The following MYLIP variants were observed in gnomAD, a reference collection of about 807,000 sequenced individuals.
The protein encoded by MYLIP is myosin regulatory light chain interacting protein.
MYLIP carries 26 observed loss-of-function variants against 45.8 expected under a neutral mutation model. The ratio of observed to expected loss-of-function variants is 0.57; its 90% CI spans 0.42 to 0.79. The LOEUF is 0.79. MYLIP is among the 30% of genes least tolerant of loss of function. The pLI is 0.00. For missense variants in MYLIP, 494 were observed against 555.6 expected, an observed-to-expected ratio of 0.89 and a Z score of 1.11; for synonymous variants, 213 against 218.1, an observed-to-expected ratio of 0.98 and a Z score of 0.21.
the MYLIP span, among the ~76,000 whole-genome samples, chr6:16,158,484 G>A: frequency 1.3e-5 from 2 of 152,058 alleles, no homozygotes; most frequent in African/African-American, 4.8e-5. Context: ...GATACCAACA[G>A]GATTGATATA....
At chr6:16,145,341 T>A in intron 6 of MYLIP, 24 bp downstream of exon 6, 2 of 1,553,204 alleles carry the variant, frequency 1.3e-6, no homozygotes, top group Non-Finnish European at 1.7e-6. Context: ...CTGCCCACTT[T>A]TGCCTGCAGC....
downstream of MYLIP, among the ~76,000 whole-genome samples, chr6:16,149,458 A>G (rs887180416): frequency 8.5e-5 from 13 of 152,242 alleles, no homozygotes; most frequent in African/African-American, 2.7e-4. Context: ...CAGATCCTTG[A>G]CATTCTAGTT....
rs1164518688 is a variant in MYLIP at position 16,146,902 on chromosome 6, A to C, written c.*151A>C. 12 of 643,650 alleles carry C rather than the reference A, an allele frequency of 1.9e-5. No homozygotes were observed. The highest frequency in any genetic ancestry group is 2.9e-5 in the Non-Finnish European group (11 of 384,856). The allele number at this position is 643,650 out of a possible 1,614,324, so 39.9% of individuals were successfully genotyped here. On this transcript the variant is annotated 3_prime_UTR_variant, in exon 7 of 7. Coordinates refer to ENST00000356840, the MANE Select transcript of MYLIP (RefSeq NM_013262.4). ...AAAAAGGAAGAAAAATAACACAGCTACTCCTCACTGCAAAAACATATCCAT... is the reference window on the plus strand; with the variant it reads ...AAAAAGGAAGAAAAATAACACAGCTCCTCCTCACTGCAAAAACATATCCAT...
At chr6:16,151,072 T>G (rs1261888872), downstream of MYLIP, among the ~76,000 whole-genome samples, 1 of 151,734 alleles carries the variant, frequency 6.6e-6, no homozygotes, top group Non-Finnish European at 1.5e-5. Context: ...TTAGAAAAAG[T>G]GCAGCGGTGG....
intron 6 of MYLIP, 120 bp from the exon 7 acceptor site, chr6:16,146,542 C>G: frequency 1.4e-6 from 1 of 733,686 alleles, no homozygotes; most frequent in South Asian, 1.8e-5. Context: ...AGCTAGAAAT[C>G]ACTGTGATCA....
chr6:16,148,282 T>A (rs1425701438), downstream of MYLIP: 3 of 152,480 alleles, frequency 2.0e-5, no homozygotes, highest in African/African-American at 4.8e-5. Context: ...AAGCCAGTTT[T>A]ATTTCATTTC....
chr6:16,162,785 TAAAAAAA>T, the MYLIP span, among the ~76,000 whole-genome samples: 4 of 69,618 alleles, frequency 5.7e-5, no homozygotes, highest in African/African-American at 2.9e-4. Flanking sequence ...ACCTCAACTC[TAAAAAAA>T]AAAAAAAAAA....
Position 16,129,143 on chromosome 6 carries a change from G to T in MYLIP, c.-180G>T. The T allele has an allele frequency of 1.7e-6, 1 of 600,600 alleles. No individual in the cohort carries two copies. 37.2% of individuals were successfully genotyped at this position (600,600 alleles called of 1,614,324 possible). ...AGGACAGGGGCAGCTGGCGGGCAGC[G>T]GGTGAGGGGGTGGCGGGGACGCGAG... On this transcript the variant is annotated 5_prime_UTR_variant, in exon 1 of 7. Transcript: ENST00000356840. The surrounding 1 kb of genome is among the most constrained non-coding windows in gnomAD (Gnocchi z 5.1).
chr6:16,131,029 G>GAAAAAGA (rs1554124554), intron 2 of MYLIP, among the ~76,000 whole-genome samples: 15 of 115,246 alleles, frequency 1.3e-4, no homozygotes, highest in African/African-American at 5.0e-4. Flanking sequence ...GCTACCCCAG[G>GAAAAAGA]AAAAAAAAAA....
In MYLIP at chr6:16,135,219, G is replaced by A. The variant is rs560032393; in HGVS notation, c.278+4472G>A. Among the ~76,000 whole-genome samples, 24 of 152,340 alleles carry A rather than the reference G, an allele frequency of 1.6e-4. No homozygotes were observed. The South Asian group carries it at 4.6e-3, about 29-fold the overall frequency. On this transcript the variant is annotated intron_variant, in intron 2 of 6. Coordinates refer to ENST00000356840, the MANE Select transcript of MYLIP (RefSeq NM_013262.4). The stretch of plus-strand genomic sequence containing the variant: ...AAGCACTCCTTGGCTGATCTATATT[G>A]TTGGGAAAGAGATTGTAGTTAACAT...
In MYLIP at chr6:16,129,474, G is replaced by A; in HGVS notation, c.87+65G>A. ...CGAGGCCGAGGGGCCTCGCAGCGACGCCTGGCACTCTGGCGCGCCCCCTAC... is the reference window on the plus strand; with the variant it reads ...CGAGGCCGAGGGGCCTCGCAGCGACACCTGGCACTCTGGCGCGCCCCCTAC... On this transcript the variant is annotated intron_variant, in intron 1 of 6. Coordinates refer to ENST00000356840, the MANE Select transcript of MYLIP (RefSeq NM_013262.4). This position sits in a 1 kb window ranked among gnomAD's most constrained non-coding sequence, Gnocchi z 5.1. 1 of 1,472,992 alleles carries A rather than the reference G, an allele frequency of 6.8e-7. No individual in the cohort carries two copies. Among genetic ancestry groups the A allele is most frequent in the East Asian group, 2.5e-5 (1 of 39,642 alleles). The allele number at this position is 1,472,992 out of a possible 1,614,324, so 91.2% of individuals were successfully genotyped here.
intron 6 of MYLIP, 147 bp from the exon 7 acceptor site, chr6:16,146,515 G>C (rs1418031970): frequency 4.8e-6 from 3 of 625,120 alleles, no homozygotes; most frequent in Non-Finnish European, 8.5e-6. Flanking sequence ...AGACGGCAAA[G>C]ATCTCTACCA....
the MYLIP span, chr6:16,161,423 A>T: frequency 9.2e-3 from 1,575 of 171,496 alleles, 14 homozygotes; most frequent in Non-Finnish European, 0.014. Context: ...GTACTTACAT[A>T]CATCACCTCA....
chr6:16,137,968 C>T lies in MYLIP; in HGVS notation c.279-3657C>T, dbSNP rs533667537. Reference sequence around the variant, plus strand: ...GGACATGAGTTTAGCCAGAATGTTACGCCTTGGGCCCCAAAATGTGATCCA... The same window carrying T: ...GGACATGAGTTTAGCCAGAATGTTATGCCTTGGGCCCCAAAATGTGATCCA... On this transcript the variant is annotated intron_variant, in intron 2 of 6. Coordinates refer to ENST00000356840, the MANE Select transcript of MYLIP (RefSeq NM_013262.4). 7.9e-5 allele frequency among the ~76,000 whole-genome samples: 12 copies of T among 152,092 alleles called. No homozygotes were observed. The South Asian group carries it at 1.0e-3, about 13-fold the overall frequency.
the MYLIP span, among the ~76,000 whole-genome samples, chr6:16,158,306 G>A: frequency 6.6e-6 from 1 of 152,350 alleles, no homozygotes; most frequent in South Asian, 2.1e-4. Context: ...GGTCCGAAAA[G>A]ACAGATATTT....
intron 5 of MYLIP, among the ~76,000 whole-genome samples, chr6:16,144,598 A>T (rs1581608424): frequency 6.6e-6 from 1 of 152,348 alleles, no homozygotes; most frequent in Middle Eastern, 3.4e-3. Context: ...CTTCAGGCAG[A>T]TGCCCTTTTT....
chr6:16,134,858 G>GATAAACTAAA (rs1246465121), intron 2 of MYLIP, among the ~76,000 whole-genome samples: 2 of 152,314 alleles, frequency 1.3e-5, no homozygotes, highest in East Asian at 3.9e-4. Flanking sequence ...TTTCAGCCAA[G>GATAAACTAAA]GAACGCCTGT....
chr6:16,143,129 G>A lies in MYLIP; in HGVS notation c.574G>A (p.Val192Met), dbSNP rs759630605. The change falls in exon 4 of 7, where the codon GTG (valine) becomes ATG (methionine). Residue 192 changes from valine to methionine, a missense_variant. Val to Met is a conservative substitution (Grantham distance 21). Transcript: ENST00000356840. ...MENYGIEWHS[V>M]RDSEGQKLLI... is the part of the protein sequence containing the mutation. ...AAACTATGGCATAGAATGGCATTCT[G>A]TGCGGGATAGCGAAGGGCAGAAACT... 6 of 1,614,082 alleles carry A rather than the reference G, an allele frequency of 3.7e-6. No homozygotes were observed. In the East Asian group the frequency reaches 1.1e-4, roughly 30 times the overall value.
At chr6:16,160,734 G>A in the MYLIP span, among the ~76,000 whole-genome samples, 15 of 152,206 alleles carry the variant, frequency 9.9e-5, no homozygotes, top group South Asian at 1.2e-3. Context: ...CCCAGGAGGC[G>A]GAGGTTGCCT....
Sources: gnomAD v4.1 joint callset for allele counts (sites outside exome capture counted in the v4.1 genomes callset) on GRCh38, gnomAD v4.1.1 for gene constraint, Gnocchi (gnomAD v3.1) non-coding constraint, MANE v1.5 for transcripts, NCBI Gene and HGNC (gene_info 2026-07-23, HGNC 2026-07-21) for gene names.